Variants in NDUFA11 observed in about 807,000 individuals in gnomAD.
The protein encoded by NDUFA11 is NADH dehydrogenase [ubiquinone] 1 alpha subcomplex subunit 11.
A neutral mutation model predicts 11.3 loss-of-function variants in NDUFA11; 14 were observed. That is an observed-to-expected ratio of 1.24 (90% CI 0.82 to 1.94). NDUFA11 has a LOEUF of 1.94. Among genes scored for constraint, NDUFA11 ranks in the 30% most tolerant of loss-of-function variants. The pLI is 0.00. For missense variants in NDUFA11, 204 were observed against 200.3 expected (o/e 1.02, Z -0.11); for synonymous variants, 87 against 85.6 (o/e 1.02, Z -0.09).
chr19:5,894,457 G>C (rs1386489923), downstream of NDUFA11, among the ~76,000 whole-genome samples: 1 of 152,184 alleles, frequency 6.6e-6, no homozygotes, highest in African/African-American at 2.4e-5. Context: ...AGCAGAGGCT[G>C]GGGCGCATCC....
chr19:5,894,663 C>T (rs762363169), downstream of NDUFA11: 44 of 1,559,592 alleles, frequency 2.8e-5, no homozygotes, highest in Middle Eastern at 8.4e-4. Context: ...TCAAGCCCTC[C>T]GGACACTGAC....
intron 1 of NDUFA11, chr19:5,901,427 A>G: frequency 7.8e-7 from 1 of 1,287,108 alleles, no homozygotes; most frequent in Non-Finnish European, 1.0e-6. Context: ...GGAGCAGTTA[A>G]TATGCTTCTC....
At chr19:5,897,089 T>C (rs899026344) in intron 1 of NDUFA11, 92 bp from the exon 2 acceptor site, 2 of 961,336 alleles carry the variant, frequency 2.1e-6, no homozygotes, top group Non-Finnish European at 3.4e-6. Flanking sequence ...CCTCCCTCAG[T>C]CCTCACGATG....
intron 1 of NDUFA11, among the ~76,000 whole-genome samples, chr19:5,902,941 G>A (rs566725599): frequency 6.7e-6 from 1 of 148,922 alleles, no homozygotes; most frequent in African/African-American, 2.5e-5. Flanking sequence ...AACCAGGGAC[G>A]TGAAGGTTGC....
At chr19:5,893,384 A>G (rs1231797905), downstream of NDUFA11, 2 of 615,576 alleles carry the variant, frequency 3.2e-6, no homozygotes, top group African/African-American at 1.8e-5. The surrounding 1 kb of genome is among the most constrained non-coding windows in gnomAD (Gnocchi z 4.1). Context: ...AGAGTCGCAT[A>G]AGCCAGGAAG....
chr19:5,901,438 C>T (rs1253835050), intron 1 of NDUFA11: 1 of 1,287,070 alleles, frequency 7.8e-7, no homozygotes, highest in South Asian at 1.2e-5. Context: ...TATGCTTCTC[C>T]AACCTTCAGT....
downstream of NDUFA11, chr19:5,893,094 C>T (rs1387979747): frequency 6.5e-7 from 1 of 1,536,118 alleles, no homozygotes; most frequent in South Asian, 1.2e-5. The surrounding 1 kb of genome is among the most constrained non-coding windows in gnomAD (Gnocchi z 4.1). Flanking sequence ...TGCATGCCCC[C>T]CTTGTGCTGG....
intron 1 of NDUFA11, among the ~76,000 whole-genome samples, chr19:5,901,962 C>T (rs1304155199): frequency 1.6e-4 from 23 of 148,242 alleles, no homozygotes; most frequent in South Asian, 2.1e-4. Flanking sequence ...TGAGCCACCG[C>T]GCCCGGCTGG....
chr19:5,900,409 T>C (rs2057637484), intron 1 of NDUFA11, among the ~76,000 whole-genome samples: 1 of 152,162 alleles, frequency 6.6e-6, no homozygotes, highest in African/African-American at 2.4e-5. Context: ...CATTCATCCA[T>C]AGTTATCATG....
At position 5,896,772 on chromosome 19, in the gene NDUFA11, C is replaced by T. The variant is rs2057612483; in HGVS notation, c.190+133G>A. The T allele has an allele frequency of 1.7e-6, 2 of 1,173,680 alleles. No individual in the cohort carries two copies. Among genetic ancestry groups the T allele is most frequent in the African/African-American group, 1.5e-5 (1 of 66,566 alleles). 72.7% of individuals were successfully genotyped at this position (1,173,680 alleles called of 1,614,324 possible). ...CATGTATTCCTGATAAAGGAACACC[C>T]CACTTTCTCCGGATGGCCAGCACTG... On this transcript the variant is annotated intron_variant, in intron 2 of 3. Coordinates refer to ENST00000308961, the MANE Select transcript of NDUFA11 (RefSeq NM_175614.5). This position sits in a 1 kb window ranked among gnomAD's most constrained non-coding sequence, Gnocchi z 5.8.
In NDUFA11 at chr19:5,896,406, T is replaced by C. The variant is rs1292289904; in HGVS notation, c.313+47A>G. ...GAGGATGAGCAGAGGTCAGGGGTCA[T>C]TCTGCCAGGCTGGGAGGAGGGTGGG... On this transcript the variant is annotated intron_variant, in intron 3 of 3. Transcript: ENST00000308961. The surrounding 1 kb of genome is among the most constrained non-coding windows in gnomAD (Gnocchi z 5.8). 1.5e-6 allele frequency: 2 copies of C among 1,316,948 alleles called. No homozygotes were observed. The highest frequency in any genetic ancestry group is 3.1e-5 in the African/African-American group (2 of 64,030). The allele number at this position is 1,316,948 out of a possible 1,614,324, so 81.6% of individuals were successfully genotyped here.
rs1197158690 is a variant in NDUFA11, at chr19:5,896,948, G to A, written c.147C>T (p.Phe49=). The A allele has an allele frequency of 1.1e-5, 17 of 1,613,990 alleles. No homozygotes were observed. Among genetic ancestry groups the A allele is most frequent in the Non-Finnish European group, 1.4e-5 (17 of 1,180,026 alleles). Residue 49 remains phenylalanine (F), a synonymous_variant, in exon 2 of 4, where the codon TTC becomes TTT. Coordinates refer to ENST00000308961, the MANE Select transcript of NDUFA11 (RefSeq NM_175614.5). This position sits in a 1 kb window ranked among gnomAD's most constrained non-coding sequence, Gnocchi z 5.8. ...GTCCAACCTTAGCCACTCCTTCAAG[G>A]AAGGTGCCCGGAGGATTGAGTGTGA... ...YRVTLNPPGT[F]LEGVAKVGQY...
rs761184281 is a variant in NDUFA11 at position 5,896,676 on chromosome 19, C to T, written c.191-101G>A. 1.1e-5 allele frequency: 16 copies of T among 1,520,230 alleles called. No homozygotes were observed. In the East Asian group the frequency reaches 1.7e-4, roughly 16 times the overall value. 94.2% of individuals were successfully genotyped at this position (1,520,230 alleles called of 1,614,324 possible). A position where few individuals can be genotyped will look rare whatever the true frequency, so the allele number is the denominator to read the frequency against. ...CTGGATGGAGAGAGATGCCACGAGT[C>T]GGCTGCTCGCTGTGCATGGCAGCCT... On this transcript the variant is annotated intron_variant, in intron 2 of 3. Coordinates refer to ENST00000308961, the MANE Select transcript of NDUFA11 (RefSeq NM_175614.5). The surrounding 1 kb of genome is among the most constrained non-coding windows in gnomAD (Gnocchi z 5.8).
Position 5,903,720 on chromosome 19 carries a change from T to C in NDUFA11, c.-12A>G, listed in dbSNP as rs2144964764. 2 of 1,551,222 alleles carry C rather than the reference T, an allele frequency of 1.3e-6. No individual in the cohort carries two copies. The highest frequency in any genetic ancestry group is 1.4e-5 in the African/African-American group (1 of 73,166). On this transcript the variant is annotated 5_prime_UTR_variant, in exon 1 of 4. Coordinates refer to ENST00000308961, the MANE Select transcript of NDUFA11 (RefSeq NM_175614.5). The stretch of plus-strand genomic sequence containing the variant: ...ACCTTCGGCGCCATAGCCCGCAATC[T>C]CGATCCCGCACCACGGACCCCGCCA...
downstream of NDUFA11, among the ~76,000 whole-genome samples, chr19:5,893,721 G>C (rs1020289099): frequency 6.6e-6 from 1 of 152,192 alleles, no homozygotes; most frequent in Non-Finnish European, 1.5e-5. The surrounding 1 kb of genome is among the most constrained non-coding windows in gnomAD (Gnocchi z 4.1). Flanking sequence ...TTACTACTCG[G>C]GGGTGGACAG....
chr19:5,894,931 C>T, intron 3 of NDUFA11, 77 bp from the exon 4 acceptor site: 3 of 1,489,082 alleles, frequency 2.0e-6, no homozygotes, highest in Non-Finnish European at 2.7e-6. Flanking sequence ...TGGCCGGTGC[C>T]CACCCTGGGA....
Position 5,901,257 on chromosome 19 carries a change from C to A in NDUFA11, c.97+2355G>T, listed in dbSNP as rs997276145. 17 of 1,197,996 alleles carry A rather than the reference C, an allele frequency of 1.4e-5. No homozygotes were observed. The African/African-American group carries it at 2.7e-4, about 19-fold the overall frequency. 74.2% of individuals were successfully genotyped at this position (1,197,996 alleles called of 1,614,324 possible). A position where few individuals can be genotyped will look rare whatever the true frequency, so the allele number is the denominator to read the frequency against. On this transcript the variant is annotated intron_variant, in intron 1 of 3. Transcript: ENST00000308961. ...ACTCTCTCACATGAACACCAACATA[C>A]GCGTCTTTCTCAGTTTCAGATCCTA...
At chr19:5,897,193 T>G (rs1165863177) in intron 1 of NDUFA11, among the ~76,000 whole-genome samples, 196 bp from the exon 2 acceptor site, 2 of 152,150 alleles carry the variant, frequency 1.3e-5, no homozygotes, top group East Asian at 3.9e-4. Flanking sequence ...GGCCTCTCAC[T>G]TCCTTCCCCA....
downstream of NDUFA11, chr19:5,891,678 C>G (rs1030581460): frequency 6.6e-6 from 1 of 152,476 alleles, no homozygotes; most frequent in Non-Finnish European, 1.5e-5. Context: ...CCCCTGATCG[C>G]CCACTGCTCT....
Sources: gnomAD v4.1 joint callset for allele counts (sites outside exome capture counted in the v4.1 genomes callset) on GRCh38, gnomAD v4.1.1 for gene constraint, Gnocchi (gnomAD v3.1) non-coding constraint, MANE v1.5 for transcripts, NCBI Gene and HGNC (gene_info 2026-07-23, HGNC 2026-07-21) for gene names.